Variants in APBB2 observed in about 807,000 individuals in gnomAD.
APBB2 encodes amyloid beta precursor protein binding family B member 2, also known as Fe65-like 1.
Under a neutral mutation model 82.5 loss-of-function variants are expected in APBB2, and 38 were observed. That is an observed-to-expected ratio of 0.46 (90% confidence interval 0.36 to 0.60). The LOEUF is 0.60. Ranked by LOEUF, APBB2 falls within the 20% of genes least tolerant of loss-of-function variation. The pLI is 0.00. For missense variants in APBB2, 772 were observed against 972.3 expected (o/e 0.79, Z 2.74); for synonymous variants, 341 against 368.2 (o/e 0.93, Z 0.85).
At chr4:41,179,668 G>T (rs1174399442) in intron 1 of APBB2, among the ~76,000 whole-genome samples, 1 of 152,142 alleles carries the variant, frequency 6.6e-6, no homozygotes, top group Admixed American at 6.5e-5. Context: ...TTAAATGCTG[G>T]TACAAGAAAT....
At chr4:40,977,564 C>T (rs1256853714) in intron 6 of APBB2, among the ~76,000 whole-genome samples, 2 of 152,200 alleles carry the variant, frequency 1.3e-5, no homozygotes, top group Non-Finnish European at 2.9e-5. Flanking sequence ...CCTCCCACTT[C>T]GGCCTCCCAA....
At chr4:40,901,410 GT>G (rs1334856763) in intron 10 of APBB2, among the ~76,000 whole-genome samples, 6 of 151,998 alleles carry the variant, frequency 3.9e-5, no homozygotes, top group Admixed American at 1.3e-4. Flanking sequence ...CCCCTAGGTG[GT>G]GGGGGACAGG....
chr4:41,036,441 T>C (rs923457834), intron 4 of APBB2, among the ~76,000 whole-genome samples: 1 of 152,158 alleles, frequency 6.6e-6, no homozygotes, highest in African/African-American at 2.4e-5. Context: ...CCCTGAGTTA[T>C]TATCTGACCC....
At chr4:40,928,387 A>AACACACAC (rs34694637) in intron 10 of APBB2, among the ~76,000 whole-genome samples, 22 of 112,794 alleles carry the variant, frequency 2.0e-4, no homozygotes, top group Non-Finnish European at 3.2e-4. Context: ...TACTAAAGAA[A>AACACACAC]ACACACACAC....
intron 2 of APBB2, among the ~76,000 whole-genome samples, chr4:41,134,566 T>G (rs1009452760): frequency 6.6e-6 from 1 of 152,168 alleles, no homozygotes; most frequent in South Asian, 2.1e-4. Context: ...AAGTATATCA[T>G]GGAGTTTCGG....
At chr4:41,027,154 C>T (rs1369445368) in intron 5 of APBB2, among the ~76,000 whole-genome samples, 1 of 151,942 alleles carries the variant, frequency 6.6e-6, no homozygotes, top group Non-Finnish European at 1.5e-5. Flanking sequence ...GCTGCAGCAC[C>T]CGATTAAAGC....
chr4:41,164,553 C>T (rs1035069670), intron 1 of APBB2, among the ~76,000 whole-genome samples: 1 of 152,208 alleles, frequency 6.6e-6, no homozygotes, highest in Non-Finnish European at 1.5e-5. Flanking sequence ...TTGTACCAGA[C>T]AGCACAAACC....
intron 12 of APBB2, among the ~76,000 whole-genome samples, chr4:40,834,201 G>A (rs554351747): frequency 1.3e-5 from 2 of 152,172 alleles, no homozygotes; most frequent in African/African-American, 4.8e-5. Context: ...AGTCCATGAC[G>A]GTGGGTGAGT....
chr4:40,949,175 C>T (rs530504404), intron 6 of APBB2, among the ~76,000 whole-genome samples: 1 of 151,934 alleles, frequency 6.6e-6, no homozygotes, highest in East Asian at 2.0e-4. Context: ...GAGGCTGAGG[C>T]ACAGAATTGC....
intron 2 of APBB2, among the ~76,000 whole-genome samples, chr4:41,118,714 C>T (rs1048598163): frequency 1.3e-5 from 2 of 151,746 alleles, no homozygotes; most frequent in East Asian, 1.9e-4. Flanking sequence ...TTAATAAAAA[C>T]GTATCAATAT....
At chr4:40,909,497 G>A (rs558857367) in intron 10 of APBB2, among the ~76,000 whole-genome samples, 6 of 152,214 alleles carry the variant, frequency 3.9e-5, no homozygotes, top group South Asian at 2.1e-4. Context: ...ACACGCCTCC[G>A]GGTTGTGATT....
intron 3 of APBB2, among the ~76,000 whole-genome samples, chr4:41,097,871 G>A (rs1744082812): frequency 6.6e-6 from 1 of 152,068 alleles, no homozygotes; most frequent in African/African-American, 2.4e-5. Context: ...GTTGTCTAGG[G>A]TTCTGAATTT....
At chr4:40,823,539 A>G in intron 16 of APBB2, 105 bp downstream of exon 16, 1 of 769,948 alleles carries the variant, frequency 1.3e-6, no homozygotes, top group East Asian at 2.5e-5. Context: ...AATCACAAGG[A>G]TGCACAACTC....
In APBB2 at chr4:40,977,231, A is replaced by T. The variant is rs114551587; in HGVS notation, c.836-32158T>A. 6.7e-3 allele frequency among the ~76,000 whole-genome samples: 1,022 copies of T among 152,318 alleles called. 4 individuals carry two copies. The highest frequency in any genetic ancestry group is 0.01 in the Non-Finnish European group (686 of 68,022). ...AGATGCTGAAGGGCAGTGGCTCTCA[A>T]CATGGAAGCATGTAGGTGTCTTTTA... is the stretch of plus-strand genomic sequence containing the variant. On this transcript the variant is annotated intron_variant, in intron 6 of 17. Transcript: ENST00000508593.
intron 1 of APBB2, chr4:41,208,034 G>A (rs1778395949): frequency 1.3e-5 from 2 of 152,150 alleles, no homozygotes; most frequent in African/African-American, 4.8e-5. Flanking sequence ...TAAATGACCT[G>A]TGGGGCTAAC....
Position 40,815,577 on chromosome 4 carries a change from C to T in APBB2, c.*515G>A, listed in dbSNP as rs909041613. On this transcript the variant is annotated 3_prime_UTR_variant, in exon 18 of 18. Transcript: ENST00000508593. ...AGCCAATTTTGTCAACCAACAGGTT[C>T]AATTTTATGAAAAATTAAAACACAA... is the stretch of plus-strand genomic sequence containing the variant. 6.5e-6 allele frequency: 1 copy of T among 153,496 alleles called. No homozygotes were observed. The highest frequency in any genetic ancestry group is 1.5e-5 in the Non-Finnish European group (1 of 68,662). The allele number at this position is 153,496 out of a possible 1,614,324, so 9.5% of individuals were successfully genotyped here. A position where few individuals can be genotyped will look rare whatever the true frequency, so the allele number is the denominator to read the frequency against.
chr4:40,979,196 C>A (rs1797902227), intron 6 of APBB2, among the ~76,000 whole-genome samples: 1 of 152,156 alleles, frequency 6.6e-6, no homozygotes. Flanking sequence ...ATAATAGAAT[C>A]TGTACAATTA....
intron 3 of APBB2, among the ~76,000 whole-genome samples, chr4:41,087,082 G>A (rs991708869): frequency 2.0e-5 from 3 of 152,308 alleles, no homozygotes; most frequent in South Asian, 2.1e-4. Context: ...CAAAGCTATA[G>A]AGAATTGTGA....
Position 41,166,959 on chromosome 4 carries a change from G to A in APBB2, c.-416-23817C>T, listed in dbSNP as rs994842786. ...TGGACTCTGCAAGTGGTGGGTGACT[G>A]AACCTGCATTTTGGGGTTAAACCCA... On this transcript the variant is annotated intron_variant, in intron 1 of 17. Coordinates refer to ENST00000508593, the MANE Select transcript of APBB2 (RefSeq NM_004307.2). Among the ~76,000 whole-genome samples the A allele has an allele frequency of 4.6e-5, 7 of 152,324 alleles. No homozygotes were observed. The South Asian group carries it at 1.5e-3, about 32-fold the overall frequency.
Sources: gnomAD v4.1 joint callset for allele counts (sites outside exome capture counted in the v4.1 genomes callset) on GRCh38, gnomAD v4.1.1 for gene constraint, MANE v1.5 for transcripts, NCBI Gene and HGNC (gene_info 2026-07-23, HGNC 2026-07-21) for gene names.